Variants in PPFIA3 observed in about 807,000 individuals in gnomAD.
The protein encoded by PPFIA3 is liprin-alpha-3.
Under a neutral mutation model 145.8 loss-of-function variants are expected in PPFIA3, and 26 were observed. That is an observed-to-expected ratio of 0.18 (90% CI 0.13 to 0.25). The LOEUF (loss-of-function observed/expected upper bound fraction) is 0.25. PPFIA3 is among the 10% of genes least tolerant of loss of function. The pLI, the probability that PPFIA3 is intolerant of heterozygous loss-of-function variation, is 1.00. For synonymous variants in PPFIA3, 645 were observed against 661.4 expected (o/e 0.98, Z 0.38); for missense variants, 1,008 against 1,587.8 (o/e 0.63, Z 6.21).
chr19:49,146,196 G>A lies in PPFIA3; in HGVS notation c.2835+4G>A, dbSNP rs1212276206. On this transcript the variant is annotated splice_donor_region_variant and intron_variant, in intron 23 of 29. Coordinates refer to ENST00000334186, the MANE Select transcript of PPFIA3 (RefSeq NM_003660.4). The stretch of plus-strand genomic sequence containing the variant: ...CAAGGAGATCAGCTGGGAGCAGGTA[G>A]GGGGCGCGGGGCGGGGCGTGAGCGC... The A allele has an allele frequency of 6.8e-6, 11 of 1,613,838 alleles. No individual in the cohort carries two copies. In the East Asian group the frequency reaches 2.5e-4, roughly 36 times the overall value.
At position 49,149,700 on chromosome 19, in the gene PPFIA3, C is replaced by T; in HGVS notation, c.3508C>T (p.Arg1170Cys). The stretch of plus-strand genomic sequence containing the variant: ...CCTGGGCTCTCCGGGGCTCCCTCTC[C>T]GCAAGCTGCAGCCAGAAGGTGGGGG... ...GALGSPGLPL[R>C]KLQPEGQTSG... is the part of the protein sequence containing the mutation. Residue 1170 changes from arginine to cysteine, a missense_variant, in exon 28 of 30, where the codon CGC becomes TGC. Arg to Cys is a radical substitution (Grantham distance 180, BLOSUM62 -3). Around this residue, in one of 11 missense-constraint regions of PPFIA3, gnomAD observed 125 missense variants for 159.3 expected, o/e 0.78. Transcript: ENST00000334186. This position sits in a 1 kb window ranked among gnomAD's most constrained non-coding sequence, Gnocchi z 5.7. The T allele has an allele frequency of 3.7e-6, 6 of 1,611,024 alleles. No homozygotes were observed. The highest frequency in any genetic ancestry group is 5.1e-6 in the Non-Finnish European group (6 of 1,178,484).
At chr19:49,132,130 G>A (rs1568436136) in intron 7 of PPFIA3, among the ~76,000 whole-genome samples, 1 of 151,468 alleles carries the variant, frequency 6.6e-6, no homozygotes, top group East Asian at 2.0e-4. Flanking sequence ...GCTCATGCCT[G>A]TAATCCCAGC....
chr19:49,126,158 C>T (rs934476769), intron 1 of PPFIA3, among the ~76,000 whole-genome samples: 10 of 151,954 alleles, frequency 6.6e-5, no homozygotes, highest in Non-Finnish European at 1.5e-4. Flanking sequence ...CCATGTTGGC[C>T]AGGCTGGGCT....
intron 23 of PPFIA3, 23 bp from the exon 24 acceptor site, chr19:49,148,060 C>A (rs1310706566): frequency 1.2e-6 from 2 of 1,600,668 alleles, no homozygotes; most frequent in Middle Eastern, 1.7e-4. Flanking sequence ...CCTGACTCTT[C>A]CCTCACCTGC....
chr19:49,134,868 G>A lies in PPFIA3; in HGVS notation c.1473G>A (p.Gln491=). 6.3e-7 allele frequency: 1 copy of A among 1,593,336 alleles called. No individual in the cohort carries two copies. The highest frequency in any genetic ancestry group is 8.6e-7 in the Non-Finnish European group (1 of 1,167,808). Residue 491 remains glutamine (Q), a synonymous_variant, in exon 13 of 30, where the codon CAG becomes CAA. Coordinates refer to ENST00000334186, the MANE Select transcript of PPFIA3 (RefSeq NM_003660.4). ...TCTTGGCCGAAATGGAGCGGATGCA[G>A]ATGGAGATCGACCAGCTGCGGGGGA... The part of the protein sequence containing the change: ...EQLLAEMERM[Q]MEIDQLRGRP...
At chr19:49,137,144 AC>A (rs1002147250) in intron 15 of PPFIA3, 1 of 393,202 alleles carries the variant, frequency 2.5e-6, no homozygotes, top group African/African-American at 2.1e-5. Flanking sequence ...TCCCCAACAC[AC>A]CAAAGCCTGC....
In PPFIA3 at chr19:49,133,782, G is replaced by C. The variant is rs762363643; in HGVS notation, c.1162-14G>C. ...TGGAAGGGTAAGTCACACGCCATGGGTTCCATCTCCTAGGCCGAGGAACGT... is the reference window on the plus strand; with the variant it reads ...TGGAAGGGTAAGTCACACGCCATGGCTTCCATCTCCTAGGCCGAGGAACGT... On this transcript the variant is annotated splice_polypyrimidine_tract_variant and intron_variant, in intron 9 of 29. Transcript: ENST00000334186. This position sits in a 1 kb window ranked among gnomAD's most constrained non-coding sequence, Gnocchi z 7.2. 6.2e-7 allele frequency: 1 copy of C among 1,612,586 alleles called. No homozygotes were observed. Among genetic ancestry groups the C allele is most frequent in the Non-Finnish European group, 8.5e-7 (1 of 1,179,596 alleles).
In PPFIA3 at chr19:49,120,486, C is replaced by T. The variant is rs1486817118; in HGVS notation, c.-16+764C>T. Among the ~76,000 whole-genome samples the T allele has an allele frequency of 6.6e-6, 1 of 152,012 alleles. No homozygotes were observed. Among genetic ancestry groups the T allele is most frequent in the African/African-American group, 2.4e-5 (1 of 41,316 alleles). ...ATGGCACCCGGGGATGCAGCTCCCA[C>T]CCCGTTCGGGAAGCCTGTCCGTGTC... is the stretch of plus-strand genomic sequence containing the variant. On this transcript the variant is annotated intron_variant, in intron 1 of 29. Coordinates refer to ENST00000334186, the MANE Select transcript of PPFIA3 (RefSeq NM_003660.4). This position sits in a 1 kb window ranked among gnomAD's most constrained non-coding sequence, Gnocchi z 4.6.
chr19:49,139,828 G>A lies in PPFIA3; in HGVS notation c.2237G>A (p.Gly746Glu). 10 of 1,610,368 alleles carry A rather than the reference G, an allele frequency of 6.2e-6. No individual in the cohort carries two copies. The highest frequency in any genetic ancestry group is 8.5e-6 in the Non-Finnish European group (10 of 1,177,614). Residue 746 changes from glycine to glutamate, a missense_variant, in exon 17 of 30, where the codon GGA becomes GAA. This residue lies in a region of PPFIA3 where 202 missense variants were observed against 241.8 expected (regional missense o/e 0.84). Coordinates refer to ENST00000334186, the MANE Select transcript of PPFIA3 (RefSeq NM_003660.4). ...GSLEDGGPPR[G>E]SEGTPDSLHK... ...CTGGAAGATGGGGGACCCCCACGGGGAAGGTCAGCAGGGACAAGGGATAGG... is the reference window on the plus strand; with the variant it reads ...CTGGAAGATGGGGGACCCCCACGGGAAAGGTCAGCAGGGACAAGGGATAGG...
rs753107600 is a variant in PPFIA3 at position 49,149,550 on chromosome 19, A to G, written c.3358A>G (p.Ser1120Gly). The G allele has an allele frequency of 6.2e-7, 1 of 1,614,190 alleles. No individual in the cohort carries two copies. The highest frequency in any genetic ancestry group is 1.1e-5 in the South Asian group (1 of 91,090). The change falls in exon 28 of 30, where the codon AGC becomes GGC. Residue 1120 changes from serine (S) to glycine (G), a missense_variant. Around this residue, in one of 11 missense-constraint regions of PPFIA3, gnomAD observed 125 missense variants for 159.3 expected, o/e 0.78. Transcript: ENST00000334186. The surrounding 1 kb of genome is among the most constrained non-coding windows in gnomAD (Gnocchi z 5.7). ...GCTGTCCGGCTCCTATACCTAGGAC[A>G]GCGCCAAGTCTTTCAGCCGCTCCCC... ...LGTDRRLDED[S>G]AKSFSRSPSW...
rs777508004 is a variant in PPFIA3 at position 49,133,156 on chromosome 19, G to A, written c.1026+9G>A. 6 of 1,589,554 alleles carry A rather than the reference G, an allele frequency of 3.8e-6. No homozygotes were observed. Among genetic ancestry groups the A allele is most frequent in the African/African-American group, 1.3e-5 (1 of 74,534 alleles). Reference sequence around the variant, plus strand: ...AGTCGTTGTATCGGCAGGTGGGGGCGCGGCCGGGAGGGGCGATGGGGGCGG... The same window carrying A: ...AGTCGTTGTATCGGCAGGTGGGGGCACGGCCGGGAGGGGCGATGGGGGCGG... On this transcript the variant is annotated intron_variant, in intron 8 of 29. Transcript: ENST00000334186. This position sits in a 1 kb window ranked among gnomAD's most constrained non-coding sequence, Gnocchi z 7.2.
At chr19:49,140,848 G>T (rs1381827184) in intron 18 of PPFIA3, among the ~76,000 whole-genome samples, 1 of 151,614 alleles carries the variant, frequency 6.6e-6, no homozygotes, top group Admixed American at 6.6e-5. Flanking sequence ...TAGAGATGGG[G>T]TTTCACCGTG....
intron 16 of PPFIA3, among the ~76,000 whole-genome samples, chr19:49,138,970 CAAAA>C (rs36111399): frequency 5.0e-5 from 7 of 140,770 alleles, no homozygotes; most frequent in African/African-American, 1.6e-4. Flanking sequence ...AACTGTGTCT[CAAAA>C]AAAAAAAAAG....
chr19:49,148,470 G>A (rs1190571404), intron 24 of PPFIA3, 196 bp from the exon 25 acceptor site: 2 of 740,956 alleles, frequency 2.7e-6, no homozygotes, highest in African/African-American at 1.8e-5. Flanking sequence ...GTTAACCCTG[G>A]ACCCCTTCCA....
At position 49,128,200 on chromosome 19, in the gene PPFIA3, A is replaced by G; in HGVS notation, c.240+87A>G. The G allele has an allele frequency of 6.8e-7, 1 of 1,469,268 alleles. No individual in the cohort carries two copies. The highest frequency in any genetic ancestry group is 1.3e-5 in the South Asian group (1 of 75,170). The allele number at this position is 1,469,268 out of a possible 1,614,324, so 91.0% of individuals were successfully genotyped here. A position where few individuals can be genotyped will look rare whatever the true frequency, so the allele number is the denominator to read the frequency against. On this transcript the variant is annotated intron_variant, in intron 2 of 29. Transcript: ENST00000334186. The surrounding 1 kb of genome is among the most constrained non-coding windows in gnomAD (Gnocchi z 4.1). ...GGAAGGGGCCGGGCTTGGCGCCTGG[A>G]AGGGAGGAGTCTGGGCGAGGCTTGC...
intron 19 of PPFIA3, 59 bp downstream of exon 19, chr19:49,141,572 GT>G: frequency 7.5e-7 from 1 of 1,326,714 alleles, no homozygotes; most frequent in Non-Finnish European, 1.0e-6. Context: ...GTGTGTGAGG[GT>G]GTGTGTGTGC....
chr19:49,140,195 A>C (rs1200495380), intron 18 of PPFIA3, 107 bp downstream of exon 18: 5 of 1,339,100 alleles, frequency 3.7e-6, no homozygotes, highest in Non-Finnish European at 5.1e-6. Flanking sequence ...GTCTTCATTC[A>C]TTTGGTGATT....
chr19:49,135,998 G>A, intron 14 of PPFIA3, 75 bp downstream of exon 14: 1 of 1,411,148 alleles, frequency 7.1e-7, no homozygotes, highest in Non-Finnish European at 9.3e-7. Context: ...CTAAATCTGT[G>A]GGGCTCCGGG....
rs2041034529 is a variant in PPFIA3 at position 49,128,740 on chromosome 19, A to G, written c.343-108A>G. 2 of 1,128,662 alleles carry G rather than the reference A, an allele frequency of 1.8e-6. No homozygotes were observed. The highest frequency in any genetic ancestry group is 2.5e-6 in the Non-Finnish European group (2 of 796,058). The allele number at this position is 1,128,662 out of a possible 1,614,324, so 69.9% of individuals were successfully genotyped here. A position where few individuals can be genotyped will look rare whatever the true frequency, so the allele number is the denominator to read the frequency against. ...CTGACCTGTCTCGGTGCTCCTTTAT[A>G]TGGCTCCATCTTTTCCTCCATGTGT... On this transcript the variant is annotated intron_variant, in intron 3 of 29. Transcript: ENST00000334186. This position sits in a 1 kb window ranked among gnomAD's most constrained non-coding sequence, Gnocchi z 4.1.
Sources: gnomAD v4.1 joint callset for allele counts (sites outside exome capture counted in the v4.1 genomes callset) on GRCh38, gnomAD v4.1.1 for gene constraint, gnomAD v4.1.1 regional missense constraint, Gnocchi (gnomAD v3.1) non-coding constraint, MANE v1.5 for transcripts, NCBI Gene and HGNC (gene_info 2026-07-23, HGNC 2026-07-21) for gene names.